EPHA5: variants seen among roughly 807,000 people sequenced by gnomAD.
EPHA5 encodes the protein EPH receptor A5, also known as ephrin type-A receptor 5.
Under a neutral mutation model 105.0 loss-of-function variants are expected in EPHA5, and 60 were observed. The observed-to-expected ratio is 0.57, with a 90% CI of 0.46 to 0.71. The LOEUF (loss-of-function observed/expected upper bound fraction) is 0.71, where lower values mean the gene tolerates loss of function less well. Among genes scored for constraint, EPHA5 ranks in the 30% least tolerant of loss-of-function variants. The pLI, the probability that EPHA5 is intolerant of heterozygous loss-of-function variation, is 0.00. For synonymous variants in EPHA5, 513 were observed against 449.1 expected, an observed-to-expected ratio of 1.14 and a Z score of -1.80; for missense variants, 1,218 against 1,274.7, an observed-to-expected ratio of 0.96 and a Z score of 0.68.
rs182412231 is a variant in EPHA5 at position 65,337,063 on chromosome 4, A to T, written c.2596-938T>A. 1.4e-3 allele frequency among the ~76,000 whole-genome samples: 214 copies of T among 152,230 alleles called. 1 individual carries two copies. The highest frequency in any genetic ancestry group is 4.7e-3 in the African/African-American group (197 of 41,558). ...AATGATTAGCATAGGAAATTTACAA[A>T]GATAATTTTAATTTTTTTTTCTTTT... On this transcript the variant is annotated intron_variant, in intron 14 of 16. Coordinates refer to ENST00000613740, the MANE Select transcript of EPHA5 (RefSeq NM_001281766.3).
At chr4:65,383,130 T>C (rs930610944) in intron 8 of EPHA5, among the ~76,000 whole-genome samples, 6 of 150,174 alleles carry the variant, frequency 4.0e-5, no homozygotes, top group Admixed American at 1.3e-4. Flanking sequence ...ATATCAGATA[T>C]ATGATATGAA....
chr4:65,380,651 C>T (rs1265334228), intron 8 of EPHA5, among the ~76,000 whole-genome samples: 1 of 151,716 alleles, frequency 6.6e-6, no homozygotes, highest in Non-Finnish European at 1.5e-5. Context: ...ACTTGAATTA[C>T]ATAGAAAATA....
intron 3 of EPHA5, among the ~76,000 whole-genome samples, chr4:65,600,023 TA>T (rs1743559994): frequency 6.6e-6 from 1 of 152,190 alleles, no homozygotes; most frequent in South Asian, 2.1e-4. Flanking sequence ...ACATATTCTC[TA>T]AAATGATAGA....
intron 3 of EPHA5, among the ~76,000 whole-genome samples, chr4:65,547,559 GA>G (rs1737503755): frequency 6.6e-6 from 1 of 151,714 alleles, no homozygotes; most frequent in African/African-American, 2.4e-5. Context: ...TTTCATATAA[GA>G]AAAAAGATTA....
In EPHA5 at chr4:65,669,674, G is replaced by T; in HGVS notation, c.69C>A (p.Ile23=). The change falls in exon 1 of 17, where the codon ATC becomes ATA. Residue 23 remains isoleucine, a synonymous_variant. Transcript: ENST00000613740. The part of the protein sequence containing the change: ...RPPSGGGDTP[I]TPASLAGCYS... ...AGCAGCCGGCCAGGGACGCTGGGGT[G>T]ATGGGGGTGTCGCCGCCGCCGCTTG... The T allele has an allele frequency of 7.5e-7, 1 of 1,341,692 alleles. No individual in the cohort carries two copies. Among genetic ancestry groups the T allele is most frequent in the Non-Finnish European group, 9.6e-7 (1 of 1,041,762 alleles). The allele number at this position is 1,341,692 out of a possible 1,614,324, so 83.1% of individuals were successfully genotyped here.
chr4:65,550,265 T>C (rs1560683997), intron 3 of EPHA5, among the ~76,000 whole-genome samples: 1 of 152,116 alleles, frequency 6.6e-6, no homozygotes, highest in Non-Finnish European at 1.5e-5. Context: ...GTTTCATGTA[T>C]AGTAGTGGAG....
At chr4:65,658,920 T>C (rs1749299890) in intron 1 of EPHA5, among the ~76,000 whole-genome samples, 1 of 152,128 alleles carries the variant, frequency 6.6e-6, no homozygotes, top group Non-Finnish European at 1.5e-5. Context: ...ACAGGCTCTA[T>C]TATGAGATTC....
intron 5 of EPHA5, among the ~76,000 whole-genome samples, chr4:65,458,345 C>T (rs1232836403): frequency 6.6e-6 from 1 of 152,102 alleles, no homozygotes; most frequent in African/African-American, 2.4e-5. Context: ...CCAAACATAT[C>T]ATCCCTTATA....
At chr4:65,551,280 GTATATA>G (rs35570226) in intron 3 of EPHA5, among the ~76,000 whole-genome samples, 32,156 of 140,400 alleles carry the variant, frequency 0.23, 4,335 homozygotes, top group Middle Eastern at 0.36. Flanking sequence ...GTGTGTGTGT[GTATATA>G]TATATATATA....
intron 8 of EPHA5, among the ~76,000 whole-genome samples, chr4:65,371,884 G>C (rs2148906877): frequency 6.6e-6 from 1 of 152,086 alleles, no homozygotes; most frequent in African/African-American, 2.4e-5. Context: ...TTACTCAAAA[G>C]AGTGAGCATA....
At chr4:65,656,694 G>A (rs1048099680) in intron 1 of EPHA5, among the ~76,000 whole-genome samples, 2 of 150,286 alleles carry the variant, frequency 1.3e-5, no homozygotes, top group African/African-American at 4.9e-5. Flanking sequence ...GCTCACTGAA[G>A]CCTCAACCTC....
intron 2 of EPHA5, among the ~76,000 whole-genome samples, chr4:65,622,834 CT>C (rs1174059807): frequency 6.6e-6 from 1 of 151,988 alleles, no homozygotes. Flanking sequence ...CTTGGTCTGG[CT>C]TCCAAGATAA....
At chr4:65,328,428 C>A (rs28489459) in intron 16 of EPHA5, among the ~76,000 whole-genome samples, 1,700 of 151,276 alleles carry the variant, frequency 0.011, 36 homozygotes, top group African/African-American at 0.039. Context: ...GGAACCAACT[C>A]TTAATTATTC....
At chr4:65,387,263 G>C (rs1205653088) in intron 8 of EPHA5, among the ~76,000 whole-genome samples, 3 of 151,926 alleles carry the variant, frequency 2.0e-5, no homozygotes, top group Non-Finnish European at 4.4e-5. Context: ...CCTCCTTGGA[G>C]CTGGGGGCGC....
At chr4:65,444,797 C>G (rs914186866) in intron 5 of EPHA5, among the ~76,000 whole-genome samples, 6 of 152,074 alleles carry the variant, frequency 3.9e-5, no homozygotes, top group Non-Finnish European at 8.8e-5. Context: ...AATTCTGATG[C>G]CTTTTGCTTG....
intron 7 of EPHA5, among the ~76,000 whole-genome samples, chr4:65,411,246 G>A (rs1215676922): frequency 6.6e-6 from 1 of 151,938 alleles, no homozygotes; most frequent in East Asian, 1.9e-4. Flanking sequence ...AAAAAGTTTT[G>A]CGTTTCCTGT....
intron 1 of EPHA5, among the ~76,000 whole-genome samples, chr4:65,650,052 A>C (rs1748457091): frequency 6.6e-6 from 1 of 152,218 alleles, no homozygotes; most frequent in Non-Finnish European, 1.5e-5. Context: ...TAATCACATA[A>C]ATCCATTTAG....
At chr4:65,523,733 T>TA (rs1734979313) in intron 3 of EPHA5, among the ~76,000 whole-genome samples, 1 of 151,868 alleles carries the variant, frequency 6.6e-6, no homozygotes, top group Non-Finnish European at 1.5e-5. Flanking sequence ...GTTTTCAGAG[T>TA]CCTCTTGATT....
intron 7 of EPHA5, among the ~76,000 whole-genome samples, chr4:65,406,287 T>A (rs542872630): frequency 6.6e-6 from 1 of 152,292 alleles, no homozygotes; most frequent in East Asian, 1.9e-4. Flanking sequence ...TGTCTGAAAT[T>A]TTTTATTCTT....
Sources: allele counts gnomAD v4.1 joint callset (sites outside exome capture counted in the v4.1 genomes callset), GRCh38; gene constraint gnomAD v4.1.1; transcripts MANE v1.5; gene names NCBI Gene and HGNC (gene_info 2026-07-23, HGNC 2026-07-21).